Variants in PLD1 observed in about 807,000 individuals in gnomAD.
The protein encoded by PLD1 is phospholipase D1.
PLD1 carries 112 observed loss-of-function variants against 137.1 expected under a neutral mutation model. The observed-to-expected ratio is 0.82, with a 90% CI of 0.70 to 0.96. The LOEUF is 0.96. PLD1 is among the 40% of genes least tolerant of loss of function. The probability of loss-of-function intolerance (pLI) is 0.00; values close to 1 mark genes in which losing one functional copy is unlikely to be tolerated. For missense variants in PLD1, 1,321 were observed against 1,342.0 expected (o/e 0.98, Z 0.24); for synonymous variants, 431 against 454.7 (o/e 0.95, Z 0.66).
intron 11 of PLD1, among the ~76,000 whole-genome samples, chr3:171,701,194 A>G (rs1272081647): frequency 6.6e-6 from 1 of 152,242 alleles, no homozygotes; most frequent in East Asian, 1.9e-4. Flanking sequence ...ATAAGGAAAC[A>G]GACAAATGGA....
intron 9 of PLD1, among the ~76,000 whole-genome samples, chr3:171,710,868 T>C (rs1717139054): frequency 7.3e-6 from 1 of 136,352 alleles, no homozygotes; most frequent in Non-Finnish European, 1.5e-5. Flanking sequence ...ATAGGAAAAC[T>C]GTTCTTTTTT....
At chr3:171,683,267 T>C (rs1167442404) in intron 16 of PLD1, among the ~76,000 whole-genome samples, 2 of 152,146 alleles carry the variant, frequency 1.3e-5, no homozygotes, top group Non-Finnish European at 2.9e-5. Context: ...GCCACCCTGG[T>C]CTGCTCTGAA....
intron 1 of PLD1, among the ~76,000 whole-genome samples, chr3:171,746,690 G>A (rs1720214367): frequency 6.6e-6 from 1 of 152,200 alleles, no homozygotes; most frequent in Non-Finnish European, 1.5e-5. Context: ...TCAGCACTCT[G>A]TGTCTAGCTC....
chr3:171,704,966 T>C (rs890922985), intron 11 of PLD1, among the ~76,000 whole-genome samples: 3 of 152,200 alleles, frequency 2.0e-5, no homozygotes, highest in Non-Finnish European at 4.4e-5. Context: ...ATAGGGTTCA[T>C]GTTCCCACGA....
intron 19 of PLD1, among the ~76,000 whole-genome samples, chr3:171,671,873 C>T (rs1560200834): frequency 6.6e-6 from 1 of 151,858 alleles, no homozygotes; most frequent in Non-Finnish European, 1.5e-5. Context: ...CTTCATTGAA[C>T]ATTCCTGCAT....
intron 11 of PLD1, among the ~76,000 whole-genome samples, chr3:171,703,343 A>C (rs1179766946): frequency 2.0e-5 from 3 of 152,228 alleles, no homozygotes; most frequent in African/African-American, 7.2e-5. Flanking sequence ...CAATGCAACA[A>C]GGCAAGAAAA....
At chr3:171,681,108 A>G (rs1713925291) in intron 16 of PLD1, among the ~76,000 whole-genome samples, 1 of 152,196 alleles carries the variant, frequency 6.6e-6, no homozygotes, top group South Asian at 2.1e-4. Context: ...AAAACTCCAA[A>G]AGTTCTAACA....
At chr3:171,763,594 G>C (rs1221854568) in intron 1 of PLD1, among the ~76,000 whole-genome samples, 1 of 150,102 alleles carries the variant, frequency 6.7e-6, no homozygotes, top group African/African-American at 2.5e-5. Flanking sequence ...AAAGAAAAGA[G>C]AACCTGCTGT....
intron 1 of PLD1, among the ~76,000 whole-genome samples, chr3:171,740,073 CCATTT>C (rs1246039518): frequency 6.6e-6 from 1 of 152,106 alleles, no homozygotes; most frequent in African/African-American, 2.4e-5. Context: ...GGAGGTTGAG[CCATTT>C]CATCTCTAGA....
intron 12 of PLD1, among the ~76,000 whole-genome samples, chr3:171,694,382 A>T (rs1715489805): frequency 6.6e-6 from 1 of 152,170 alleles, no homozygotes; most frequent in Non-Finnish European, 1.5e-5. Context: ...AAGTAAAAGC[A>T]TAGGCAGAAA....
intron 1 of PLD1, among the ~76,000 whole-genome samples, chr3:171,783,848 A>C (rs1014894080): frequency 6.6e-6 from 1 of 152,032 alleles, no homozygotes; most frequent in Non-Finnish European, 1.5e-5. Flanking sequence ...CAGTCTCCCT[A>C]TGTTGCCCAG....
chr3:171,674,979 CAAAAAA>C (rs376402019), intron 18 of PLD1, among the ~76,000 whole-genome samples: 7 of 75,040 alleles, frequency 9.3e-5, no homozygotes, highest in African/African-American at 2.3e-4. Flanking sequence ...ATCTCCATCT[CAAAAAA>C]AAAAAAAAAA....
intron 21 of PLD1, among the ~76,000 whole-genome samples, chr3:171,657,651 G>A (rs1737327057): frequency 6.6e-6 from 1 of 152,048 alleles, no homozygotes; most frequent in African/African-American, 2.4e-5. Flanking sequence ...AACAAAATGA[G>A]TCAAATATCT....
intron 1 of PLD1, among the ~76,000 whole-genome samples, chr3:171,742,306 G>A (rs986334705): frequency 3.3e-5 from 5 of 152,022 alleles, no homozygotes; most frequent in African/African-American, 4.8e-5. Flanking sequence ...GCTCAATGCC[G>A]CCTTGAACTC....
At chr3:171,794,407 C>A (rs748466619) in intron 1 of PLD1, among the ~76,000 whole-genome samples, 12 of 152,084 alleles carry the variant, frequency 7.9e-5, no homozygotes, top group Non-Finnish European at 2.9e-5. Context: ...TGGGGCATAT[C>A]CCCCTTGGAT....
At chr3:171,735,292 G>A (rs1032906248) in intron 4 of PLD1, among the ~76,000 whole-genome samples, 200 bp downstream of exon 4, 9 of 152,024 alleles carry the variant, frequency 5.9e-5, no homozygotes, top group Non-Finnish European at 8.8e-5. Flanking sequence ...GTGCCACCAC[G>A]TCCAGCTAAA....
chr3:171,717,781 G>A (rs1263634440), intron 8 of PLD1, among the ~76,000 whole-genome samples: 1 of 152,212 alleles, frequency 6.6e-6, no homozygotes, highest in Non-Finnish European at 1.5e-5. Flanking sequence ...GGAGTGGTGA[G>A]AGAGGGCATC....
At chr3:171,784,912 T>C (rs895774645) in intron 1 of PLD1, among the ~76,000 whole-genome samples, 4 of 152,228 alleles carry the variant, frequency 2.6e-5, no homozygotes, top group African/African-American at 9.6e-5. Flanking sequence ...CCTCACACAG[T>C]GCCTGGCATA....
intron 19 of PLD1, among the ~76,000 whole-genome samples, chr3:171,663,443 G>C (rs570278436): frequency 6.6e-6 from 1 of 152,318 alleles, no homozygotes; most frequent in African/African-American, 2.4e-5. Flanking sequence ...CTACTTTATA[G>C]GGTCATAGAG....
Sources: allele counts gnomAD v4.1 joint callset (sites outside exome capture counted in the v4.1 genomes callset), GRCh38; gene constraint gnomAD v4.1.1; transcripts MANE v1.5; gene names NCBI Gene and HGNC (gene_info 2026-07-23, HGNC 2026-07-21).